The following IL17D variants were observed in gnomAD, a reference collection of about 807,000 sequenced individuals.
IL17D encodes interleukin-17D.
Under a neutral mutation model 5.7 loss-of-function variants are expected in IL17D, and 10 were observed. That is an observed-to-expected ratio of 1.75 (90% CI 1.08 to 2.97). The LOEUF (loss-of-function observed/expected upper bound fraction) is 2.97. IL17D is among the 30% of genes most tolerant of loss of function. The pLI is 0.00. For missense variants in IL17D, 354 were observed against 292.7 expected, an observed-to-expected ratio of 1.21 and a Z score of -1.53; for synonymous variants, 172 against 141.7, an observed-to-expected ratio of 1.21 and a Z score of -1.52.
chr13:20,720,823 A>C (rs969979762), intron 1 of IL17D, among the ~76,000 whole-genome samples: 2 of 151,144 alleles, frequency 1.3e-5, no homozygotes, highest in African/African-American at 4.9e-5. Flanking sequence ...CTCTGATGGC[A>C]GCTTGGCCGG....
intron 1 of IL17D, among the ~76,000 whole-genome samples, chr13:20,720,415 C>A (rs1214037346): frequency 6.6e-6 from 1 of 152,178 alleles, no homozygotes; most frequent in Non-Finnish European, 1.5e-5. Context: ...GTCCCTTGAC[C>A]CTATGCTTTG....
intron 1 of IL17D, among the ~76,000 whole-genome samples, chr13:20,718,390 T>C (rs1339888069): frequency 2.7e-5 from 4 of 145,850 alleles, no homozygotes; most frequent in African/African-American, 7.7e-5. Context: ...ACCTGCCCAC[T>C]TACACACACA....
At chr13:20,710,154 G>T (rs922318987) in intron 1 of IL17D, among the ~76,000 whole-genome samples, 3 of 152,078 alleles carry the variant, frequency 2.0e-5, no homozygotes, top group African/African-American at 7.2e-5. Flanking sequence ...TTACTTTGTG[G>T]CATAATGTTT....
chr13:20,708,873 G>A (rs2058611184), intron 1 of IL17D, among the ~76,000 whole-genome samples: 1 of 148,248 alleles, frequency 6.7e-6, no homozygotes, highest in South Asian at 2.1e-4. Flanking sequence ...AGCCAGGAGT[G>A]GTGGTGGGCA....
rs1421052599 is a variant in IL17D at position 20,704,220 on chromosome 13, AG to A, written c.224del (p.Gly75AlafsTer46). On this transcript the variant is annotated frameshift_variant, in exon 1 of 2. Coordinates refer to ENST00000682841, the MANE Select transcript of IL17D (RefSeq NM_001385224.1). LOFTEE classifies it high-confidence loss of function. The stretch of plus-strand genomic sequence containing the variant: ...AGGCGCGCAACGCGAGCTGCCCGGC[AG>A]GGGGCAGGCCCGCCGACCGCCGCTT... ...EQARNASCPAGGRPADRRFRP... is the reference protein window; with the variant it reads ...EQARNASCPAXGRPADRRFRP... The A allele has an allele frequency of 3.7e-6, 5 of 1,353,262 alleles. No individual in the cohort carries two copies. Among genetic ancestry groups the A allele is most frequent in the South Asian group, 1.6e-5 (1 of 63,768 alleles). 83.8% of individuals were successfully genotyped at this position (1,353,262 alleles called of 1,614,324 possible).
chr13:20,704,075 C>A lies in IL17D; in HGVS notation c.74C>A (p.Pro25His). ...AAGAPRAGRR[P>H]ARPRGCADRP... Reference sequence around the variant, plus strand: ...GGCGCCCCGAGGGCGGGCAGGCGCCCCGCGCGGCCGCGGGGCTGCGCGGAC... The same window carrying A: ...GGCGCCCCGAGGGCGGGCAGGCGCCACGCGCGGCCGCGGGGCTGCGCGGAC... The change falls in exon 1 of 2, where the codon CCC (proline) becomes CAC (histidine). Residue 25 changes from proline (P) to histidine (H), a missense_variant. By Grantham distance (77) the Pro-to-His change is moderately conservative. Coordinates refer to ENST00000682841, the MANE Select transcript of IL17D (RefSeq NM_001385224.1). 9.0e-7 allele frequency: 1 copy of A among 1,111,680 alleles called. No homozygotes were observed. Among genetic ancestry groups the A allele is most frequent in the Non-Finnish European group, 1.1e-6 (1 of 916,460 alleles). The allele number at this position is 1,111,680 out of a possible 1,614,324, so 68.9% of individuals were successfully genotyped here. A position where few individuals can be genotyped will look rare whatever the true frequency, so the allele number is the denominator to read the frequency against.
chr13:20,707,910 ATTTC>A (rs375955320), intron 1 of IL17D, among the ~76,000 whole-genome samples: 12 of 151,934 alleles, frequency 7.9e-5, no homozygotes, highest in South Asian at 2.1e-4. Flanking sequence ...GTCAGGTGGT[ATTTC>A]TTTCTTTCTT....
intron 1 of IL17D, among the ~76,000 whole-genome samples, chr13:20,717,989 A>T (rs955377058): frequency 6.6e-6 from 1 of 152,152 alleles, no homozygotes. Flanking sequence ...GCAGTTACCT[A>T]CATACCGAGG....
intron 1 of IL17D, among the ~76,000 whole-genome samples, chr13:20,717,667 C>A (rs1035612426): frequency 6.6e-6 from 1 of 152,206 alleles, no homozygotes; most frequent in Non-Finnish European, 1.5e-5. Context: ...GCGGCACCCC[C>A]CTTAGCGGCA....
chr13:20,710,451 T>TGAAAA (rs2058625882), intron 1 of IL17D, among the ~76,000 whole-genome samples: 1 of 83,444 alleles, frequency 1.2e-5, no homozygotes, highest in African/African-American at 4.7e-5. Context: ...CCATCTCTAC[T>TGAAAA]AAAAAAAAAA....
At chr13:20,720,880 C>T (rs1168750315) in intron 1 of IL17D, among the ~76,000 whole-genome samples, 1 of 141,674 alleles carries the variant, frequency 7.1e-6, no homozygotes, top group South Asian at 2.7e-4. Flanking sequence ...CCCAACCCCC[C>T]CCCCCCTCCC....
chr13:20,704,025 G>A lies in IL17D; in HGVS notation c.24G>A (p.Leu8=). Residue 8 remains leucine (L), a synonymous_variant, in exon 1 of 2, where the codon CTG becomes CTA. Transcript: ENST00000682841. ...GGATGCTGGTAGCCGGCTTCCTGCT[G>A]GCGCTGCCGCCGAGCTGGGCCGCGG... The part of the protein sequence containing the change: MLVAGFL[L]ALPPSWAAGA... The A allele has an allele frequency of 1.9e-6, 2 of 1,030,278 alleles. No homozygotes were observed. Among genetic ancestry groups the A allele is most frequent in the East Asian group, 9.6e-5 (1 of 10,436 alleles). The allele number at this position is 1,030,278 out of a possible 1,614,324, so 63.8% of individuals were successfully genotyped here.
intron 1 of IL17D, among the ~76,000 whole-genome samples, chr13:20,706,911 C>T (rs2058595430): frequency 6.6e-6 from 1 of 152,160 alleles, no homozygotes; most frequent in African/African-American, 2.4e-5. Flanking sequence ...GCAGCTGCAG[C>T]AGGGTGGCTG....
chr13:20,703,490 C>G, upstream of IL17D: 1 of 931,618 alleles, frequency 1.1e-6, no homozygotes, highest in Non-Finnish European at 1.3e-6. Flanking sequence ...AAGCGGGCCG[C>G]GGACCCTGCG....
chr13:20,716,449 C>T lies in IL17D; in HGVS notation c.291-5187C>T, dbSNP rs769360060. Among the ~76,000 whole-genome samples the T allele has an allele frequency of 6.6e-6, 1 of 152,152 alleles. No individual in the cohort carries two copies. On this transcript the variant is annotated intron_variant, in intron 1 of 1. Coordinates refer to ENST00000682841, the MANE Select transcript of IL17D (RefSeq NM_001385224.1). The surrounding 1 kb of genome is among the most constrained non-coding windows in gnomAD (Gnocchi z 4.2). The stretch of plus-strand genomic sequence containing the variant: ...AAGACCTTAGAGACTCAATGTATTG[C>T]CAGTGTCTTTTCTAAGCATAAAACA...
intron 1 of IL17D, among the ~76,000 whole-genome samples, chr13:20,721,388 G>T (rs769762634): frequency 6.6e-6 from 1 of 152,226 alleles, no homozygotes; most frequent in African/African-American, 2.4e-5. Flanking sequence ...TTATTTTTCT[G>T]CGCACATTAG....
intron 1 of IL17D, among the ~76,000 whole-genome samples, chr13:20,709,922 T>A (rs564325289): frequency 1.3e-5 from 2 of 152,228 alleles, no homozygotes; most frequent in South Asian, 4.2e-4. Flanking sequence ...ACTGCAGACA[T>A]CTGGATGGAT....
chr13:20,708,205 G>A (rs1391958302), intron 1 of IL17D, among the ~76,000 whole-genome samples: 1 of 152,358 alleles, frequency 6.6e-6, no homozygotes, highest in South Asian at 2.1e-4. Context: ...AAGCCACCAC[G>A]CCCTAAAGGC....
chr13:20,715,262 G>C (rs41337546), intron 1 of IL17D, among the ~76,000 whole-genome samples: 1 of 51,288 alleles, frequency 1.9e-5, no homozygotes, highest in African/African-American at 4.3e-5. Context: ...AGAATCTCTG[G>C]GGGTGGGGGG....
Sources: allele counts gnomAD v4.1 joint callset (sites outside exome capture counted in the v4.1 genomes callset), GRCh38; gene constraint gnomAD v4.1.1; non-coding constraint Gnocchi (gnomAD v3.1); transcripts MANE v1.5; gene names NCBI Gene and HGNC (gene_info 2026-07-23, HGNC 2026-07-21).